Variants in ABTB3 observed in about 807,000 individuals in gnomAD.
ABTB3 encodes ankyrin repeat and BTB domain containing 3.
At chr12:107,401,021 GTC>G in the ABTB3 span, among the ~76,000 whole-genome samples, 1 of 152,302 alleles carries the variant, frequency 6.6e-6, no homozygotes, top group South Asian at 2.1e-4. Flanking sequence ...TGATGACCAT[GTC>G]CACATTCACA....
the ABTB3 span, among the ~76,000 whole-genome samples, chr12:107,573,106 T>G: frequency 1.3e-5 from 2 of 152,210 alleles, no homozygotes. Flanking sequence ...TGGCTTACTT[T>G]TCCCTAAAAG....
the ABTB3 span, among the ~76,000 whole-genome samples, chr12:107,559,398 A>G: frequency 6.7e-6 from 1 of 149,302 alleles, no homozygotes; most frequent in Non-Finnish European, 1.5e-5. Context: ...ACATTAGCGA[A>G]TATTAGCCCT....
chr12:107,481,170 T>C, the ABTB3 span, among the ~76,000 whole-genome samples: 1 of 152,174 alleles, frequency 6.6e-6, no homozygotes, highest in Non-Finnish European at 1.5e-5. Context: ...GGAGAAACCC[T>C]GCTTTGGAGG....
the ABTB3 span, among the ~76,000 whole-genome samples, chr12:107,584,291 A>G: frequency 6.6e-6 from 1 of 152,222 alleles, no homozygotes; most frequent in African/African-American, 2.4e-5. Flanking sequence ...TGGTGTGTAC[A>G]TAGCTGTCCC....
chr12:107,532,738 G>A, the ABTB3 span, among the ~76,000 whole-genome samples: 7 of 152,120 alleles, frequency 4.6e-5, no homozygotes, highest in African/African-American at 1.4e-4. Flanking sequence ...ACTGTCAAAT[G>A]TCAAAGACAC....
chr12:107,473,385 G>A, the ABTB3 span, among the ~76,000 whole-genome samples: 9 of 151,810 alleles, frequency 5.9e-5, no homozygotes, highest in East Asian at 1.7e-3. Flanking sequence ...GACCAGTCTT[G>A]CTCTGTTGCT....
At chr12:107,570,489 A>G in the ABTB3 span, among the ~76,000 whole-genome samples, 37 of 152,204 alleles carry the variant, frequency 2.4e-4, no homozygotes, top group Non-Finnish European at 5.0e-4. Flanking sequence ...TGCTGGGATT[A>G]CAGGGATGAG....
At chr12:107,600,732 G>T in the ABTB3 span, among the ~76,000 whole-genome samples, 16,989 of 152,282 alleles carry the variant, frequency 0.11, 1,112 homozygotes, top group African/African-American at 0.16. Flanking sequence ...CTTGGAATTT[G>T]CTCTGTTGCA....
At chr12:107,408,978 A>G in the ABTB3 span, among the ~76,000 whole-genome samples, 3 of 152,250 alleles carry the variant, frequency 2.0e-5, no homozygotes, top group African/African-American at 7.2e-5. Flanking sequence ...TAATGCCCTA[A>G]GGGCATATGA....
At chr12:107,584,750 G>A in the ABTB3 span, among the ~76,000 whole-genome samples, 1 of 152,212 alleles carries the variant, frequency 6.6e-6, no homozygotes, top group Non-Finnish European at 1.5e-5. Flanking sequence ...GTCTGATGCT[G>A]GCACTGCCAT....
chr12:107,346,263 T>C, the ABTB3 span, among the ~76,000 whole-genome samples: 2 of 151,966 alleles, frequency 1.3e-5, no homozygotes, highest in Non-Finnish European at 1.5e-5. Flanking sequence ...ATGGAAAGTC[T>C]AGATTGGGAT....
the ABTB3 span, among the ~76,000 whole-genome samples, chr12:107,332,409 T>A: frequency 1.3e-5 from 2 of 152,262 alleles, no homozygotes; most frequent in East Asian, 1.9e-4. Context: ...ATCTCTGTTT[T>A]ACAGATGAGG....
the ABTB3 span, among the ~76,000 whole-genome samples, chr12:107,380,907 T>C: frequency 6.6e-6 from 1 of 152,216 alleles, no homozygotes; most frequent in Non-Finnish European, 1.5e-5. Flanking sequence ...ATATGCTATG[T>C]ATATGTCTCT....
the ABTB3 span, among the ~76,000 whole-genome samples, chr12:107,522,227 C>T: frequency 6.6e-6 from 1 of 152,256 alleles, no homozygotes; most frequent in South Asian, 2.1e-4. Flanking sequence ...AATACTGTCA[C>T]ATTGAGGGGG....
At chr12:107,654,619 A>G in the ABTB3 span, among the ~76,000 whole-genome samples, 1 of 152,020 alleles carries the variant, frequency 6.6e-6, no homozygotes, top group Admixed American at 6.6e-5. Context: ...GCTTTCAGTT[A>G]TTTGGGGGTA....
chr12:107,455,827 C>A, the ABTB3 span, among the ~76,000 whole-genome samples: 1 of 152,148 alleles, frequency 6.6e-6, no homozygotes, highest in Admixed American at 6.5e-5. Context: ...CCTCCACTGT[C>A]TCTAATCCTA....
the ABTB3 span, among the ~76,000 whole-genome samples, chr12:107,579,773 A>T: frequency 6.6e-6 from 1 of 152,194 alleles, no homozygotes; most frequent in South Asian, 2.1e-4. Context: ...TATTTGCATG[A>T]CCTAGCCTCC....
At chr12:107,643,350 C>T in the ABTB3 span, among the ~76,000 whole-genome samples, 1 of 143,972 alleles carries the variant, frequency 6.9e-6, no homozygotes, top group Non-Finnish European at 1.5e-5. Flanking sequence ...GCGCAGTGAG[C>T]CATAATCGCA....
chr12:107,527,075 T>A, the ABTB3 span, among the ~76,000 whole-genome samples: 1 of 152,102 alleles, frequency 6.6e-6, no homozygotes, highest in Admixed American at 6.6e-5. Context: ...CATTCAAGCT[T>A]CTAAAATGTC....
Sources: allele counts gnomAD v4.1 joint callset (sites outside exome capture counted in the v4.1 genomes callset), GRCh38; gene constraint gnomAD v4.1.1; transcripts MANE v1.5; gene names NCBI Gene and HGNC (gene_info 2026-07-23, HGNC 2026-07-21).